Variants in ACBD6 observed in about 807,000 individuals in gnomAD.
ACBD6 encodes acyl-CoA binding domain containing 6.
A neutral mutation model predicts 37.2 loss-of-function variants in ACBD6; 28 were observed. The observed-to-expected ratio is 0.75, with a 90% CI of 0.56 to 1.03. The LOEUF (loss-of-function observed/expected upper bound fraction) is 1.03. Ranked by LOEUF, ACBD6 falls within the 50% of genes least tolerant of loss-of-function variation. The probability of loss-of-function intolerance (pLI) is 0.00; values close to 1 mark genes in which losing one functional copy is unlikely to be tolerated. For missense variants in ACBD6, 340 were observed against 337.4 expected, an observed-to-expected ratio of 1.01 and a Z score of -0.06; for synonymous variants, 113 against 126.8, an observed-to-expected ratio of 0.89 and a Z score of 0.73.
At chr1:180,293,480 G>T (rs911179906) in intron 7 of ACBD6, among the ~76,000 whole-genome samples, 7 of 151,926 alleles carry the variant, frequency 4.6e-5, no homozygotes, top group African/African-American at 1.7e-4. Context: ...GCTAATTTTT[G>T]TATTTTTAGT....
intron 6 of ACBD6, among the ~76,000 whole-genome samples, chr1:180,394,454 T>A (rs1031125664): frequency 1.3e-5 from 2 of 151,860 alleles, no homozygotes; most frequent in African/African-American, 4.8e-5. Flanking sequence ...AGCTGGATGT[T>A]GAAAAAATGA....
downstream of ACBD6, among the ~76,000 whole-genome samples, chr1:180,284,040 C>T (rs1420158787): frequency 2.0e-5 from 3 of 152,076 alleles, no homozygotes; most frequent in Non-Finnish European, 4.4e-5. Context: ...GTGATCCATA[C>T]AAAAATCATG....
intron 3 of ACBD6, among the ~76,000 whole-genome samples, chr1:180,485,036 A>C (rs1651206452): frequency 1.3e-5 from 2 of 151,828 alleles, no homozygotes; most frequent in African/African-American, 4.8e-5. Context: ...CACAACTGCA[A>C]ATCTGTCCAG....
chr1:180,433,632 C>T (rs370280095), intron 3 of ACBD6, among the ~76,000 whole-genome samples: 10 of 150,476 alleles, frequency 6.6e-5, no homozygotes, highest in African/African-American at 2.2e-4. Flanking sequence ...AGAGAGAGAG[C>T]GAGAGTGAGA....
At chr1:180,384,942 TAA>T (rs1039987621) in intron 6 of ACBD6, among the ~76,000 whole-genome samples, 2 of 152,094 alleles carry the variant, frequency 1.3e-5, no homozygotes, top group African/African-American at 4.8e-5. Context: ...ATGTAGGAGC[TAA>T]AAAAGTTGAT....
intron 6 of ACBD6, among the ~76,000 whole-genome samples, chr1:180,348,930 T>G: frequency 6.6e-6 from 1 of 152,194 alleles, no homozygotes; most frequent in East Asian, 1.9e-4. Context: ...AATTTTTTTC[T>G]CTCAGGTTAA....
intron 6 of ACBD6, among the ~76,000 whole-genome samples, chr1:180,395,780 A>G: frequency 6.6e-6 from 1 of 152,336 alleles, no homozygotes; most frequent in East Asian, 1.9e-4. Flanking sequence ...TTATCATATG[A>G]TCAAGCTATT....
chr1:180,323,475 C>T (rs1386829188), intron 6 of ACBD6, among the ~76,000 whole-genome samples: 1 of 152,074 alleles, frequency 6.6e-6, no homozygotes, highest in African/African-American at 2.4e-5. Flanking sequence ...TCTGAAAGAT[C>T]TGTCCAATGC....
rs111509091 is a variant in ACBD6 at position 180,407,403 on chromosome 1, C to T, written c.573+5963G>A. On this transcript the variant is annotated intron_variant, in intron 5 of 7. Coordinates refer to ENST00000367595, the MANE Select transcript of ACBD6 (RefSeq NM_032360.4). ...AAACAATACATTTTGCCAAGTTTTC[C>T]TTGTCTTTACACACACAAAATATGT... Among the ~76,000 whole-genome samples, 761 of 152,306 alleles carry T rather than the reference C, an allele frequency of 5.0e-3. 6 individuals are homozygous for T. The highest frequency in any genetic ancestry group is 0.017 in the African/African-American group (707 of 41,568).
At chr1:180,419,740 A>G (rs887508096) in intron 4 of ACBD6, among the ~76,000 whole-genome samples, 1 of 152,228 alleles carries the variant, frequency 6.6e-6, no homozygotes, top group African/African-American at 2.4e-5. Flanking sequence ...TAAGAAAATC[A>G]TAAGGAAAAT....
chr1:180,328,027 G>A (rs773300551), intron 6 of ACBD6, among the ~76,000 whole-genome samples: 1 of 151,992 alleles, frequency 6.6e-6, no homozygotes, highest in Admixed American at 6.6e-5. Context: ...TACCAAATGA[G>A]GTGTTGACGA....
intron 3 of ACBD6, among the ~76,000 whole-genome samples, chr1:180,477,054 G>A (rs1434161595): frequency 6.6e-6 from 1 of 152,036 alleles, no homozygotes; most frequent in Admixed American, 6.6e-5. Flanking sequence ...GTAGATGCCT[G>A]AAACTGTAGA....
chr1:180,416,379 T>C (rs1648096804), intron 4 of ACBD6, among the ~76,000 whole-genome samples: 1 of 152,166 alleles, frequency 6.6e-6, no homozygotes, highest in South Asian at 2.1e-4. Flanking sequence ...TGAAACAAAA[T>C]AACATGCAAA....
At chr1:180,271,722 C>A in exon 14 of ACBD6, 1 of 1,338,098 alleles carries the variant, frequency 7.5e-7, no homozygotes, top group Non-Finnish European at 1.1e-6. Context: ...CACTCCCAGA[C>A]CTGTGCTCCA....
intron 6 of ACBD6, among the ~76,000 whole-genome samples, chr1:180,381,401 G>T (rs1019235059): frequency 1.3e-5 from 2 of 152,170 alleles, no homozygotes; most frequent in Non-Finnish European, 2.9e-5. Flanking sequence ...TTGTCCAACA[G>T]CTACAAAATA....
chr1:180,473,507 G>A (rs1307491738), intron 3 of ACBD6, among the ~76,000 whole-genome samples: 3 of 151,334 alleles, frequency 2.0e-5, no homozygotes, highest in Middle Eastern at 3.5e-3. Context: ...AGGGGAGGGC[G>A]ATGGGGAAAG....
intron 7 of ACBD6, among the ~76,000 whole-genome samples, chr1:180,312,137 GA>G (rs1397239786): frequency 6.6e-6 from 1 of 152,128 alleles, no homozygotes; most frequent in Non-Finnish European, 1.5e-5. Flanking sequence ...GAATTCTTAT[GA>G]AAATTCTCTG....
intron 3 of ACBD6, among the ~76,000 whole-genome samples, chr1:180,446,250 C>T (rs1212757504): frequency 3.3e-5 from 5 of 150,906 alleles, no homozygotes; most frequent in African/African-American, 4.9e-5. Flanking sequence ...TGGGCTCAAG[C>T]GATCTACCCA....
intron 6 of ACBD6, among the ~76,000 whole-genome samples, chr1:180,394,546 G>C (rs1050258868): frequency 1.3e-5 from 2 of 152,026 alleles, no homozygotes; most frequent in Non-Finnish European, 2.9e-5. Flanking sequence ...TTGCCCAACC[G>C]GATTTAAAAA....
Sources: allele counts gnomAD v4.1 joint callset (sites outside exome capture counted in the v4.1 genomes callset), GRCh38; gene constraint gnomAD v4.1.1; transcripts MANE v1.5; gene names NCBI Gene and HGNC (gene_info 2026-07-23, HGNC 2026-07-21).